ACVR1C: variants seen among roughly 807,000 people sequenced by gnomAD.
ACVR1C encodes the protein activin receptor type-1C.
ACVR1C carries 23 observed loss-of-function variants against 57.9 expected under a neutral mutation model. The observed-to-expected ratio is 0.40, with a 90% CI of 0.29 to 0.56. The LOEUF (loss-of-function observed/expected upper bound fraction) is 0.56, where lower values mean the gene tolerates loss of function less well. Ranked by LOEUF, ACVR1C falls within the 20% of genes least tolerant of loss-of-function variation. The probability of loss-of-function intolerance (pLI) is 0.50; values close to 1 mark genes in which losing one functional copy is unlikely to be tolerated. For missense variants in ACVR1C, 480 were observed against 607.9 expected, an observed-to-expected ratio of 0.79 and a Z score of 2.21; for synonymous variants, 214 against 215.3, an observed-to-expected ratio of 0.99 and a Z score of 0.05.
At position 157,566,519 on chromosome 2, in the gene ACVR1C, C is replaced by T. The variant is rs1486522175; in HGVS notation, c.305-10187G>A. Among the ~76,000 whole-genome samples, 6 of 152,172 alleles carry T rather than the reference C, an allele frequency of 3.9e-5. No homozygotes were observed. In the South Asian group the frequency reaches 8.3e-4, roughly 21 times the overall value. On this transcript the variant is annotated intron_variant, in intron 2 of 8. Coordinates refer to ENST00000243349, the MANE Select transcript of ACVR1C (RefSeq NM_145259.3). ...GTGTGTGTGCCCACCGTGCGCGAGCCGAAGCAGGGCGAGGCATTGCCTCAC... is the reference window on the plus strand; with the variant it reads ...GTGTGTGTGCCCACCGTGCGCGAGCTGAAGCAGGGCGAGGCATTGCCTCAC...
chr2:157,534,428 T>C (rs1195888827), intron 8 of ACVR1C, among the ~76,000 whole-genome samples: 3 of 152,058 alleles, frequency 2.0e-5, no homozygotes, highest in Admixed American at 6.6e-5. Context: ...TTGTAGAGAC[T>C]AACTAAAAAA....
chr2:157,545,083 A>G (rs1687719083), intron 4 of ACVR1C, among the ~76,000 whole-genome samples: 2 of 152,220 alleles, frequency 1.3e-5, no homozygotes, highest in African/African-American at 4.8e-5. Context: ...TGTTGATGTT[A>G]TTCACCTTTC....
At chr2:157,576,862 T>C (rs1375217964) in intron 2 of ACVR1C, among the ~76,000 whole-genome samples, 1 of 38,894 alleles carries the variant, frequency 2.6e-5, no homozygotes, top group East Asian at 4.5e-4. Flanking sequence ...TTTTTTTTTT[T>C]TTTGAGACGG....
intron 2 of ACVR1C, among the ~76,000 whole-genome samples, chr2:157,559,157 A>C (rs1289646350): frequency 6.6e-6 from 1 of 152,236 alleles, no homozygotes; most frequent in Non-Finnish European, 1.5e-5. Context: ...CCCTAAAAAT[A>C]GAATAATCTC....
chr2:157,546,816 T>A (rs1573908680), intron 4 of ACVR1C, among the ~76,000 whole-genome samples: 1 of 152,320 alleles, frequency 6.6e-6, no homozygotes, highest in South Asian at 2.1e-4. Flanking sequence ...TATTTTATTT[T>A]ATTTTTTTTC....
chr2:157,606,966 T>C (rs1573951850), intron 1 of ACVR1C, among the ~76,000 whole-genome samples: 1 of 152,040 alleles, frequency 6.6e-6, no homozygotes, highest in South Asian at 2.1e-4. Context: ...AAATCTGTAA[T>C]CCATCTTGAG....
intron 1 of ACVR1C, among the ~76,000 whole-genome samples, chr2:157,606,000 A>C (rs1181932104): frequency 2.0e-5 from 3 of 150,868 alleles, no homozygotes; most frequent in African/African-American, 7.3e-5. Context: ...TCTATTCTCT[A>C]TGTTCATGAG....
chr2:157,545,687 A>G (rs1362976491), intron 4 of ACVR1C, among the ~76,000 whole-genome samples: 2 of 152,254 alleles, frequency 1.3e-5, no homozygotes, highest in Non-Finnish European at 2.9e-5. Context: ...ACAAGTTAAG[A>G]GATGATAGAG....
intron 3 of ACVR1C, among the ~76,000 whole-genome samples, chr2:157,554,271 G>GAAAGAAAGAAA (rs1448628905): frequency 1.7e-5 from 2 of 121,052 alleles, no homozygotes; most frequent in African/African-American, 7.5e-5. Flanking sequence ...AAGAAAGAAA[G>GAAAGAAAGAAA]GAAGGAAGGA....
chr2:157,533,854 T>G lies in ACVR1C; in HGVS notation c.*64A>C. 1.4e-6 allele frequency: 2 copies of G among 1,437,858 alleles called. No individual in the cohort carries two copies. Among genetic ancestry groups the G allele is most frequent in the Non-Finnish European group, 1.8e-6 (2 of 1,093,320 alleles). The allele number at this position is 1,437,858 out of a possible 1,614,324, so 89.1% of individuals were successfully genotyped here. A position where few individuals can be genotyped will look rare whatever the true frequency, so the allele number is the denominator to read the frequency against. The stretch of plus-strand genomic sequence containing the variant: ...AACAAAAAAAAAATGGCAAAAACAT[T>G]CACATAAAGGGGAAAATGGAAAAGA... On this transcript the variant is annotated 3_prime_UTR_variant, in exon 9 of 9. Transcript: ENST00000243349.
intron 2 of ACVR1C, among the ~76,000 whole-genome samples, chr2:157,564,955 CA>C (rs1218140189): frequency 6.6e-6 from 1 of 151,984 alleles, no homozygotes; most frequent in Non-Finnish European, 1.5e-5. Context: ...CGGGACCTGT[CA>C]GGGGGTGGAG....
At chr2:157,622,426 C>A (rs569119154) in intron 1 of ACVR1C, among the ~76,000 whole-genome samples, 1 of 152,022 alleles carries the variant, frequency 6.6e-6, no homozygotes, top group Non-Finnish European at 1.5e-5. Flanking sequence ...ACACATAGAC[C>A]AATGCAACAG....
chr2:157,541,209 A>T lies in ACVR1C; in HGVS notation c.1106T>A (p.Met369Lys), dbSNP rs1170929846. The change falls in exon 7 of 9, where the codon ATG (methionine) becomes AAG (lysine). Residue 369 changes from methionine (M) to lysine (K), a missense_variant. Transcript: ENST00000243349. ...TGTATCATCAAGCATTTCAGGAGCC[A>T]TATACCTTCAAAAACATGTACATTT... Reference protein sequence around the residue: ...QNPKVGTKRYMAPEMLDDTMN... With the variant: ...QNPKVGTKRYKAPEMLDDTMN... The T allele has an allele frequency of 6.2e-7, 1 of 1,611,566 alleles. No homozygotes were observed. Among genetic ancestry groups the T allele is most frequent in the Non-Finnish European group, 8.5e-7 (1 of 1,179,292 alleles).
intron 1 of ACVR1C, among the ~76,000 whole-genome samples, chr2:157,596,279 C>T (rs1313699258): frequency 6.6e-6 from 1 of 151,852 alleles, no homozygotes; most frequent in African/African-American, 2.4e-5. Flanking sequence ...ATAGCTTTTC[C>T]CACTTTCATA....
intron 2 of ACVR1C, 67 bp from the exon 3 acceptor site, chr2:157,556,399 T>C (rs1553481725): frequency 1.9e-6 from 3 of 1,582,540 alleles, no homozygotes; most frequent in Non-Finnish European, 8.6e-7. Flanking sequence ...GGAATTGGAA[T>C]TGCAATCACC....
At chr2:157,617,848 G>T (rs1682688455) in intron 1 of ACVR1C, among the ~76,000 whole-genome samples, 1 of 151,826 alleles carries the variant, frequency 6.6e-6, no homozygotes, top group Non-Finnish European at 1.5e-5. Context: ...CAGTATATGG[G>T]TGATAACTAA....
intron 4 of ACVR1C, among the ~76,000 whole-genome samples, chr2:157,547,724 TGTCA>T (rs1687803337): frequency 6.7e-6 from 1 of 149,770 alleles, no homozygotes. Context: ...ATTAGCCCTT[TGTCA>T]GATGAGTAGG....
At chr2:157,613,450 GT>G (rs149031600) in intron 1 of ACVR1C, among the ~76,000 whole-genome samples, 22 of 150,458 alleles carry the variant, frequency 1.5e-4, no homozygotes, top group East Asian at 4.1e-4. Flanking sequence ...TTTTTGTTGT[GT>G]TTTTTTTCCA....
intron 2 of ACVR1C, among the ~76,000 whole-genome samples, chr2:157,574,800 G>A (rs968411802): frequency 3.9e-5 from 6 of 152,134 alleles, no homozygotes; most frequent in African/African-American, 1.4e-4. Flanking sequence ...TAGCAGGATG[G>A]CTTCATAAAG....
Sources: gnomAD v4.1 joint callset for allele counts (sites outside exome capture counted in the v4.1 genomes callset) on GRCh38, gnomAD v4.1.1 for gene constraint, MANE v1.5 for transcripts, NCBI Gene and HGNC (gene_info 2026-07-23, HGNC 2026-07-21) for gene names.